HECW2: variants seen among roughly 807,000 people sequenced by gnomAD.
HECW2 encodes E3 ubiquitin-protein ligase HECW2.
A neutral mutation model predicts 175.2 loss-of-function variants in HECW2; 61 were observed. The observed-to-expected ratio is 0.35, with a 90% confidence interval of 0.28 to 0.43. The LOEUF (loss-of-function observed/expected upper bound fraction) is 0.43. Among genes scored for constraint, HECW2 ranks in the 20% least tolerant of loss-of-function variants. The pLI is 1.00. For missense variants in HECW2, 1,524 were observed against 2,000.5 expected, an observed-to-expected ratio of 0.76 and a Z score of 4.54; for synonymous variants, 671 against 731.0, an observed-to-expected ratio of 0.92 and a Z score of 1.32.
At chr2:196,267,709 C>G (rs191726030) in intron 17 of HECW2, among the ~76,000 whole-genome samples, 1 of 152,296 alleles carries the variant, frequency 6.6e-6, no homozygotes, top group Admixed American at 6.5e-5. Context: ...GAAGAGAAAA[C>G]TATACATAGA....
chr2:196,424,322 G>T (rs939327513), intron 2 of HECW2, among the ~76,000 whole-genome samples: 2 of 151,830 alleles, frequency 1.3e-5, no homozygotes, highest in East Asian at 1.9e-4. Flanking sequence ...TTGAAATTAG[G>T]CCAATTAATA....
At chr2:196,310,790 T>TGTGTGTGTGTGTGTG (rs1332556238) in intron 10 of HECW2, among the ~76,000 whole-genome samples, 8 of 36,404 alleles carry the variant, frequency 2.2e-4, no homozygotes, top group Non-Finnish European at 6.2e-4. Context: ...GTGTGTGTGT[T>TGTGTGTGTGTGTGTG]TTGCACTGAA....
chr2:196,287,618 C>T (rs1419945074), intron 14 of HECW2, among the ~76,000 whole-genome samples: 3 of 152,132 alleles, frequency 2.0e-5, no homozygotes, highest in African/African-American at 4.8e-5. Flanking sequence ...ACAACTTTCA[C>T]GGTTTTGTTT....
intron 1 of HECW2, among the ~76,000 whole-genome samples, chr2:196,533,469 G>C (rs77442370): frequency 6.7e-6 from 1 of 148,522 alleles, no homozygotes; most frequent in Non-Finnish European, 1.5e-5. Flanking sequence ...ATCTTTTTTT[G>C]TGTGTGTGGG....
At chr2:196,357,601 G>A (rs1378962333) in intron 2 of HECW2, among the ~76,000 whole-genome samples, 5 of 152,122 alleles carry the variant, frequency 3.3e-5, no homozygotes, top group Non-Finnish European at 7.4e-5. Flanking sequence ...AACAAAGTTT[G>A]GCTCTGTGTC....
At position 196,359,932 on chromosome 2, in the gene HECW2, C is replaced by A. The variant is rs377495116; in HGVS notation, c.293-16168G>T. ...AGCCTGGGCAACACAGCAAACCCTG[C>A]CTCTACAAATAATTTTTTACAATTA... is the stretch of plus-strand genomic sequence containing the variant. On this transcript the variant is annotated intron_variant, in intron 2 of 28. Coordinates refer to ENST00000644978, the MANE Select transcript of HECW2 (RefSeq NM_001348768.2). Among the ~76,000 whole-genome samples the A allele has an allele frequency of 5.9e-5, 9 of 152,146 alleles. No individual in the cohort carries two copies. The South Asian group carries it at 6.2e-4, about 11-fold the overall frequency.
intron 14 of HECW2, 100 bp downstream of exon 14, chr2:196,292,465 C>G: frequency 1.0e-6 from 1 of 985,652 alleles, no homozygotes; most frequent in Non-Finnish European, 1.5e-6. Context: ...TTTCACCTCA[C>G]AAAGAGCCTT....
intron 10 of HECW2, among the ~76,000 whole-genome samples, chr2:196,310,860 TA>T (rs912478654): frequency 1.3e-5 from 2 of 151,778 alleles, no homozygotes; most frequent in Non-Finnish European, 2.9e-5. Context: ...TACAAGACCT[TA>T]AAAAAAGTCA....
chr2:196,231,243 C>T (rs992138050), intron 21 of HECW2, among the ~76,000 whole-genome samples: 5 of 152,044 alleles, frequency 3.3e-5, no homozygotes, highest in Non-Finnish European at 7.4e-5. Context: ...TGTCCAATGC[C>T]ATCATTTTAT....
chr2:196,532,772 G>T (rs1377254967), intron 1 of HECW2, among the ~76,000 whole-genome samples: 1 of 151,958 alleles, frequency 6.6e-6, no homozygotes, highest in Non-Finnish European at 1.5e-5. Flanking sequence ...TATATTTATT[G>T]CTTATATTAT....
intron 2 of HECW2, among the ~76,000 whole-genome samples, chr2:196,357,194 C>T (rs1275115042): frequency 6.6e-6 from 1 of 152,210 alleles, no homozygotes; most frequent in Non-Finnish European, 1.5e-5. Context: ...GGAGCCATAA[C>T]CTGGACATGA....
In HECW2 at chr2:196,497,392, T is replaced by C. The variant is rs556048770; in HGVS notation, c.-35-63934A>G. Among the ~76,000 whole-genome samples, 32 of 152,330 alleles carry C rather than the reference T, an allele frequency of 2.1e-4. 1 individual carries two copies. In the South Asian group the frequency reaches 4.4e-3, roughly 21 times the overall value. Reference sequence around the variant, plus strand: ...TAAATATTAAGTTTGCATTCAAATATTGTAGTTCCTAGGCTATTCATCTTT... The same window carrying C: ...TAAATATTAAGTTTGCATTCAAATACTGTAGTTCCTAGGCTATTCATCTTT... On this transcript the variant is annotated intron_variant, in intron 1 of 28. Transcript: ENST00000644978.
intron 10 of HECW2, among the ~76,000 whole-genome samples, chr2:196,315,189 T>TGTGC (rs1240820050): frequency 1.1e-4 from 16 of 146,324 alleles, no homozygotes; most frequent in African/African-American, 3.8e-4. Context: ...TGTGTGTGTG[T>TGTGC]GCATAACTTA....
chr2:196,580,643 C>T lies in HECW2; in HGVS notation c.-36+12865G>A, dbSNP rs1315004928. On this transcript the variant is annotated intron_variant, in intron 1 of 28. Coordinates refer to ENST00000644978, the MANE Select transcript of HECW2 (RefSeq NM_001348768.2). The stretch of plus-strand genomic sequence containing the variant: ...CCTTAATGAAACACAACTTCACACC[C>T]GCTACAATGGCAAAAAAAAAAAAAA... Among the ~76,000 whole-genome samples the T allele has an allele frequency of 4.7e-5, 7 of 149,672 alleles. No homozygotes were observed. In the South Asian group the frequency reaches 6.4e-4, roughly 14 times the overall value.
intron 14 of HECW2, among the ~76,000 whole-genome samples, chr2:196,280,745 C>T (rs1435159097): frequency 6.6e-6 from 1 of 152,186 alleles, no homozygotes; most frequent in Non-Finnish European, 1.5e-5. Context: ...ACATTGGTCC[C>T]ATTTGGTTTG....
At chr2:196,240,298 T>TAA (rs35227584) in intron 21 of HECW2, 151 bp downstream of exon 21, 5,355 of 372,656 alleles carry the variant, frequency 0.014, 13 homozygotes, top group Admixed American at 0.02. Context: ...AGGAGACCTT[T>TAA]AAAAAAAAAA....
At chr2:196,539,906 G>T (rs1212585918) in intron 1 of HECW2, among the ~76,000 whole-genome samples, 1 of 152,138 alleles carries the variant, frequency 6.6e-6, no homozygotes, top group African/African-American at 2.4e-5. Flanking sequence ...TTTAATTATA[G>T]AGAATTCCAA....
chr2:196,203,164 T>C (rs1686930141), intron 28 of HECW2, among the ~76,000 whole-genome samples: 2 of 152,242 alleles, frequency 1.3e-5, no homozygotes, highest in East Asian at 1.9e-4. Flanking sequence ...GGTATAGAGA[T>C]AGTACCGACT....
At chr2:196,588,857 A>G (rs1369300467) in intron 1 of HECW2, among the ~76,000 whole-genome samples, 1 of 152,144 alleles carries the variant, frequency 6.6e-6, no homozygotes, top group Non-Finnish European at 1.5e-5. Flanking sequence ...TTTACTCTCA[A>G]AAGTGTCCTT....
Sources: gnomAD v4.1 joint callset for allele counts (sites outside exome capture counted in the v4.1 genomes callset) on GRCh38, gnomAD v4.1.1 for gene constraint, MANE v1.5 for transcripts, NCBI Gene and HGNC (gene_info 2026-07-23, HGNC 2026-07-21) for gene names.